Variants in SLC30A5 observed in about 807,000 individuals in gnomAD.
The protein encoded by SLC30A5 is proton-coupled zinc antiporter SLC30A5.
A neutral mutation model predicts 79.6 loss-of-function variants in SLC30A5; 33 were observed. That is an observed-to-expected ratio of 0.41 (90% CI 0.31 to 0.55). The LOEUF is 0.55. SLC30A5 is among the 20% of genes least tolerant of loss of function. SLC30A5 has a pLI of 0.20. For synonymous variants in SLC30A5, 299 were observed against 319.7 expected (o/e 0.94, Z 0.69); for missense variants, 788 against 928.1 (o/e 0.85, Z 1.96).
intron 11 of SLC30A5, among the ~76,000 whole-genome samples, chr5:69,117,844 TCCAGC>T (rs1373724119): frequency 6.9e-6 from 1 of 145,384 alleles, no homozygotes; most frequent in Non-Finnish European, 1.5e-5. Flanking sequence ...GCCACTGCAC[TCCAGC>T]CTGGGCAACA....
intron 15 of SLC30A5, 48 bp downstream of exon 15, chr5:69,128,180 A>G (rs766450670): frequency 4.9e-5 from 73 of 1,484,090 alleles, no homozygotes; most frequent in Non-Finnish European, 6.6e-5. Flanking sequence ...ATTCATACCC[A>G]AAATTGTACA....
At chr5:69,106,057 C>CA (rs1157576396) in intron 4 of SLC30A5, among the ~76,000 whole-genome samples, 23 of 152,168 alleles carry the variant, frequency 1.5e-4, no homozygotes, top group African/African-American at 5.3e-4. Flanking sequence ...GTGGGGTAGA[C>CA]AGAGTGGAAA....
At chr5:69,119,171 T>C (rs958243105) in intron 12 of SLC30A5, among the ~76,000 whole-genome samples, 8 of 152,154 alleles carry the variant, frequency 5.3e-5, no homozygotes, top group African/African-American at 1.9e-4. Flanking sequence ...GTAGTTGGCA[T>C]GTCCTTTCCT....
At chr5:69,115,162 A>AAT in intron 7 of SLC30A5, 75 bp from the exon 8 acceptor site, 1 of 799,438 alleles carries the variant, frequency 1.3e-6, no homozygotes, top group Non-Finnish European at 1.8e-6. Flanking sequence ...AAAAAAAAAA[A>AAT]AAAGATCATG....
At position 69,100,790 on chromosome 5, in the gene SLC30A5, C is replaced by A; in HGVS notation, c.84-17C>A. 1 of 1,577,558 alleles carries A rather than the reference C, an allele frequency of 6.3e-7. No individual in the cohort carries two copies. The highest frequency in any genetic ancestry group is 8.6e-7 in the Non-Finnish European group (1 of 1,157,448). ...ATTTCAGTGATACTAAAAATTGTTT[C>A]TGCTTTTATTTTTCAGATTAACAAA... On this transcript the variant is annotated splice_polypyrimidine_tract_variant and intron_variant, in intron 1 of 15. Coordinates refer to ENST00000396591, the MANE Select transcript of SLC30A5 (RefSeq NM_022902.5).
chr5:69,125,546 A>C (rs1012557532), intron 14 of SLC30A5, among the ~76,000 whole-genome samples: 6 of 147,926 alleles, frequency 4.1e-5, no homozygotes, highest in Non-Finnish European at 6.0e-5. Flanking sequence ...ACACAAAAAA[A>C]AAAATTAGGC....
chr5:69,095,879 G>A (rs918983892), intron 1 of SLC30A5, among the ~76,000 whole-genome samples: 1 of 151,070 alleles, frequency 6.6e-6, no homozygotes, highest in Non-Finnish European at 1.5e-5. Flanking sequence ...GGCCAACATG[G>A]TGAGACCCCA....
intron 1 of SLC30A5, among the ~76,000 whole-genome samples, chr5:69,095,932 C>T (rs556594945): frequency 2.9e-4 from 43 of 150,508 alleles, no homozygotes; most frequent in African/African-American, 1.0e-3. Flanking sequence ...ATTAGTTGGA[C>T]GTGGTATGCG....
chr5:69,117,406 T>C lies in SLC30A5; in HGVS notation c.1439+10T>C, dbSNP rs1437459119. ...GGATTTTCTCCTATGGGTAGGTACA[T>C]TGACTGTCGAGGTGGTATATCTTAA... On this transcript the variant is annotated intron_variant, in intron 11 of 15. Transcript: ENST00000396591. 1 of 1,613,232 alleles carries C rather than the reference T, an allele frequency of 6.2e-7. No individual in the cohort carries two copies. Among genetic ancestry groups the C allele is most frequent in the Non-Finnish European group, 8.5e-7 (1 of 1,179,464 alleles).
At chr5:69,121,556 C>A in intron 12 of SLC30A5, 138 bp from the exon 13 acceptor site, 1 of 593,560 alleles carries the variant, frequency 1.7e-6, no homozygotes, top group Non-Finnish European at 2.8e-6. Context: ...TTTGGACTTA[C>A]TGAAACTTAG....
Position 69,094,279 on chromosome 5 carries a change from C to G in SLC30A5, c.24C>G (p.Asp8Glu). The G allele has an allele frequency of 7.9e-7, 1 of 1,259,270 alleles. No individual in the cohort carries two copies. Among genetic ancestry groups the G allele is most frequent in the Non-Finnish European group, 1.0e-6 (1 of 995,802 alleles). 78.0% of individuals were successfully genotyped at this position (1,259,270 alleles called of 1,614,324 possible). ...GGATGGAGGAGAAATACGGCGGGGA[C>G]GTGCTGGCCGGCCCCGGCGGCGGCG... Reference protein sequence around the residue: MEEKYGGDVLAGPGGGGG... With the variant: MEEKYGGEVLAGPGGGGG... Residue 8 changes from aspartate to glutamate, a missense_variant, in exon 1 of 16, where the codon GAC becomes GAG. By Grantham distance (45) the Asp-to-Glu change is conservative (BLOSUM62 2). Transcript: ENST00000396591.
At chr5:69,124,583 T>C (rs1291703334) in intron 14 of SLC30A5, among the ~76,000 whole-genome samples, 1 of 152,120 alleles carries the variant, frequency 6.6e-6, no homozygotes, top group Admixed American at 6.5e-5. Flanking sequence ...AATATTTTTG[T>C]TTGTTTGTTT....
chr5:69,126,228 T>C (rs1041053028), intron 14 of SLC30A5, among the ~76,000 whole-genome samples: 30 of 152,184 alleles, frequency 2.0e-4, no homozygotes, highest in Non-Finnish European at 4.0e-4. Context: ...TCTTAACCCA[T>C]TGTTTTCATA....
rs1490286041 is a variant in SLC30A5, at chr5:69,094,102, C to T, written c.-154C>T. On this transcript the variant is annotated 5_prime_UTR_variant, in exon 1 of 16. Coordinates refer to ENST00000396591, the MANE Select transcript of SLC30A5 (RefSeq NM_022902.5). ...ACGCGTGTGTGCTAGTGAGCCGGAG[C>T]CGGCGACGGCGGCAGTGGCGGCCCG... is the stretch of plus-strand genomic sequence containing the variant. 3 of 408,218 alleles carry T rather than the reference C, an allele frequency of 7.3e-6. No individual in the cohort carries two copies. Among genetic ancestry groups the T allele is most frequent in the Non-Finnish European group, 1.3e-5 (3 of 230,046 alleles). The allele number at this position is 408,218 out of a possible 1,614,324, so 25.3% of individuals were successfully genotyped here.
At chr5:69,096,990 A>T (rs2111920694) in intron 1 of SLC30A5, among the ~76,000 whole-genome samples, 1 of 151,934 alleles carries the variant, frequency 6.6e-6, no homozygotes, top group Admixed American at 6.6e-5. Flanking sequence ...AACCCCAAAA[A>T]AACCCCCACA....
At position 69,121,902 on chromosome 5, in the gene SLC30A5, C is replaced by T; in HGVS notation, c.1771+7C>T. The T allele has an allele frequency of 3.7e-6, 6 of 1,608,302 alleles. No individual in the cohort carries two copies. Among genetic ancestry groups the T allele is most frequent in the Non-Finnish European group, 5.1e-6 (6 of 1,176,918 alleles). Reference sequence around the variant, plus strand: ...ATGAATGCTAACATGAGGGGTGAGTCCTTGCAAAATATTATCCTACTTTTC... The same window carrying T: ...ATGAATGCTAACATGAGGGGTGAGTTCTTGCAAAATATTATCCTACTTTTC... On this transcript the variant is annotated splice_region_variant and intron_variant, in intron 13 of 15. Transcript: ENST00000396591.
chr5:69,096,847 C>T (rs1745744909), intron 1 of SLC30A5, among the ~76,000 whole-genome samples: 1 of 151,938 alleles, frequency 6.6e-6, no homozygotes, highest in African/African-American at 2.4e-5. Context: ...ATAGTTCCAG[C>T]TACTTGGGAG....
At chr5:69,097,796 C>T (rs945772817) in intron 1 of SLC30A5, among the ~76,000 whole-genome samples, 1 of 152,158 alleles carries the variant, frequency 6.6e-6, no homozygotes, top group Non-Finnish European at 1.5e-5. Flanking sequence ...ACCTCAGCCT[C>T]CCAAAGTGCT....
At chr5:69,115,876 G>A in intron 8 of SLC30A5, 50 bp from the exon 9 acceptor site, 1 of 1,426,318 alleles carries the variant, frequency 7.0e-7, no homozygotes, top group Non-Finnish European at 9.6e-7. Context: ...CTTGTAAGAT[G>A]TGAACTTTAT....
Sources: gnomAD v4.1 joint callset for allele counts (sites outside exome capture counted in the v4.1 genomes callset) on GRCh38, gnomAD v4.1.1 for gene constraint, MANE v1.5 for transcripts, NCBI Gene and HGNC (gene_info 2026-07-23, HGNC 2026-07-21) for gene names.